Variants in PATZ1 observed in about 807,000 individuals in gnomAD.
PATZ1 encodes POZ-, AT hook-, and zinc finger-containing protein 1.
Under a neutral mutation model 46.2 loss-of-function variants are expected in PATZ1, and 9 were observed. The observed-to-expected ratio is 0.19, with a 90% confidence interval of 0.12 to 0.34. The LOEUF is 0.34. Among genes scored for constraint, PATZ1 ranks in the 10% least tolerant of loss-of-function variants. PATZ1 has a pLI of 1.00. For missense variants in PATZ1, 632 were observed against 923.0 expected, an observed-to-expected ratio of 0.68 and a Z score of 4.08; for synonymous variants, 426 against 378.6, an observed-to-expected ratio of 1.13 and a Z score of -1.45.
intron 3 of PATZ1, 195 bp downstream of exon 3, chr22:31,335,497 A>G (rs1244087657): frequency 2.1e-5 from 12 of 558,704 alleles, no homozygotes; most frequent in Middle Eastern, 4.7e-4. Flanking sequence ...TTCCCATTCT[A>G]AGCACCCCAA....
chr22:31,343,884 G>T (rs1294561402), intron 1 of PATZ1, among the ~76,000 whole-genome samples: 2 of 152,204 alleles, frequency 1.3e-5, no homozygotes, highest in South Asian at 4.1e-4. Context: ...CCAGTGTTCT[G>T]TGTTGGGGAA....
At chr22:31,333,653 G>A (rs921667140) in intron 3 of PATZ1, among the ~76,000 whole-genome samples, 4 of 152,030 alleles carry the variant, frequency 2.6e-5, no homozygotes, top group African/African-American at 7.3e-5. Flanking sequence ...GGGACTTCCC[G>A]CTCTGGCTCT....
rs549436268 is a variant in PATZ1, at chr22:31,336,663, G to A, written c.1336-800C>T. On this transcript the variant is annotated intron_variant, in intron 2 of 4. Transcript: ENST00000266269. ...CTATTAAAAATATAAAAAATTAGCC[G>A]GGTGTGGTGGCAGACTCCCGTAATC... 1.2e-4 allele frequency among the ~76,000 whole-genome samples: 18 copies of A among 151,774 alleles called. No homozygotes were observed. The South Asian group carries it at 1.3e-3, about 11-fold the overall frequency.
At chr22:31,335,175 T>C (rs1217250139) in intron 3 of PATZ1, among the ~76,000 whole-genome samples, 1 of 152,190 alleles carries the variant, frequency 6.6e-6, no homozygotes, top group South Asian at 2.1e-4. Flanking sequence ...AAGGCCACAA[T>C]CTACCTGAGT....
rs1055449029 is a variant in PATZ1, at chr22:31,327,510, G to A, written c.1646-201C>T. Among the ~76,000 whole-genome samples the A allele has an allele frequency of 6.6e-6, 1 of 152,086 alleles. No homozygotes were observed. Among genetic ancestry groups the A allele is most frequent in the Non-Finnish European group, 1.5e-5 (1 of 68,000 alleles). ...AGGGGTGAAACGGCAGGGCCCTAGG[G>A]CTGCCAGCCTCCCTTGCTGTGGACT... On this transcript the variant is annotated intron_variant, in intron 4 of 4. Coordinates refer to ENST00000266269, the MANE Select transcript of PATZ1 (RefSeq NM_014323.3). The surrounding 1 kb of genome is among the most constrained non-coding windows in gnomAD (Gnocchi z 4.2).
At position 31,328,488 on chromosome 22, in the gene PATZ1, C is replaced by T. The variant is rs2145809814; in HGVS notation, c.1645+299G>A. Among the ~76,000 whole-genome samples the T allele has an allele frequency of 6.6e-6, 1 of 152,310 alleles. No homozygotes were observed. Among genetic ancestry groups the T allele is most frequent in the African/African-American group, 2.4e-5 (1 of 41,570 alleles). ...CATCATGCAGGGCTCTTCTTCTGCCCAGGGCCCGGGGCATCCCTGCAGGGC... is the reference window on the plus strand; with the variant it reads ...CATCATGCAGGGCTCTTCTTCTGCCTAGGGCCCGGGGCATCCCTGCAGGGC... On this transcript the variant is annotated intron_variant, in intron 4 of 4. Transcript: ENST00000266269. The surrounding 1 kb of genome is among the most constrained non-coding windows in gnomAD (Gnocchi z 4.8).
At chr22:31,341,922 C>T (rs911798050) in intron 2 of PATZ1, among the ~76,000 whole-genome samples, 9 of 152,186 alleles carry the variant, frequency 5.9e-5, no homozygotes, top group African/African-American at 1.9e-4. Flanking sequence ...CTGTGAACAC[C>T]GTCCACGCCT....
At chr22:31,338,097 G>A (rs1196736568) in intron 2 of PATZ1, 1 of 152,306 alleles carries the variant, frequency 6.6e-6, no homozygotes, top group African/African-American at 2.4e-5. Context: ...GAAACCTTCA[G>A]AAGGTGAACT....
At position 31,338,669 on chromosome 22, in the gene PATZ1, G is replaced by A. The variant is rs1451109600; in HGVS notation, c.1336-2806C>T. Among the ~76,000 whole-genome samples the A allele has an allele frequency of 3.3e-5, 5 of 152,190 alleles. No homozygotes were observed. The East Asian group carries it at 9.6e-4, about 29-fold the overall frequency. On this transcript the variant is annotated intron_variant, in intron 2 of 4. Coordinates refer to ENST00000266269, the MANE Select transcript of PATZ1 (RefSeq NM_014323.3). ...ACAAGAGCTAGCTTTGCCAGGCAGC[G>A]ACCCAAAGACCACCCCTCCAATGGT... is the stretch of plus-strand genomic sequence containing the variant.
In PATZ1 at chr22:31,345,298, C is replaced by T; in HGVS notation, c.305G>A (p.Arg102Gln). 6.2e-7 allele frequency: 1 copy of T among 1,611,152 alleles called. No individual in the cohort carries two copies. Among genetic ancestry groups the T allele is most frequent in the Non-Finnish European group, 8.5e-7 (1 of 1,178,166 alleles). ...GCTGATAGTGTGCATCTCCAGCTCC[C>T]GGCTGCCCCCGGCCCCGCCGCCTGG... Reference protein sequence around the residue: ...AAPGGGAGGSRELEMHTISSK... With the variant: ...AAPGGGAGGSQELEMHTISSK... The change falls in exon 1 of 5, where the codon CGG (arginine) becomes CAG (glutamine). Residue 102 changes from arginine (R) to glutamine (Q), a missense_variant. Around this residue, in one of 7 missense-constraint regions of PATZ1, gnomAD observed 62 missense variants for 67.9 expected, o/e 0.91. Transcript: ENST00000266269. The surrounding 1 kb of genome is among the most constrained non-coding windows in gnomAD (Gnocchi z 7.4).
intron 3 of PATZ1, among the ~76,000 whole-genome samples, chr22:31,332,299 A>G (rs2049453643): frequency 6.6e-6 from 1 of 152,202 alleles, no homozygotes; most frequent in South Asian, 2.1e-4. Flanking sequence ...ATGAAACAGA[A>G]GCTGAGCTTC....
chr22:31,333,320 G>C (rs2049465863), intron 3 of PATZ1, among the ~76,000 whole-genome samples: 1 of 152,164 alleles, frequency 6.6e-6, no homozygotes, highest in African/African-American at 2.4e-5. Flanking sequence ...GCCTTTGTTT[G>C]AACACATGCA....
rs139331126 is a variant in PATZ1, at chr22:31,336,456, T to C, written c.1336-593A>G. ...ATTGAAAAAGCAGCCCATTAAATGA[T>C]AGTGGCAATTCTGACGACATGAGAA... is the stretch of plus-strand genomic sequence containing the variant. On this transcript the variant is annotated intron_variant, in intron 2 of 4. Transcript: ENST00000266269. Among the ~76,000 whole-genome samples, 924 of 152,270 alleles carry C rather than the reference T, an allele frequency of 6.1e-3. 13 individuals are homozygous for C. Among genetic ancestry groups the C allele is most frequent in the African/African-American group, 0.021 (863 of 41,544 alleles).
intron 3 of PATZ1, among the ~76,000 whole-genome samples, chr22:31,334,918 T>G (rs1485878094): frequency 6.6e-6 from 1 of 152,132 alleles, no homozygotes. Flanking sequence ...TGCAGAAGCA[T>G]CCTCACGTTC....
At chr22:31,341,474 C>G (rs754244067) in intron 2 of PATZ1, 18 of 1,610,640 alleles carry the variant, frequency 1.1e-5, no homozygotes, top group Non-Finnish European at 1.5e-5. Context: ...TCAGATATCC[C>G]GGCGGGGCTG....
At position 31,327,244 on chromosome 22, in the gene PATZ1, C is replaced by T; in HGVS notation, c.1711G>A (p.Ala571Thr). The T allele has an allele frequency of 1.9e-6, 3 of 1,614,198 alleles. No homozygotes were observed. The highest frequency in any genetic ancestry group is 1.1e-5 in the South Asian group (1 of 91,080). ...TTCTCTGGCGTCTTCAGGTCGCTGG[C>T]ATCTGAGAGGTCACCATAGGAGTCA... is the stretch of plus-strand genomic sequence containing the variant. ...SSDSYGDLSD[A>T]SDLKTPEKQS... The change falls in exon 5 of 5, where the codon GCC becomes ACC. Residue 571 changes from alanine to threonine, a missense_variant. Physicochemically the swap from Ala to Thr is moderately conservative, Grantham distance 58 (BLOSUM62 0). Coordinates refer to ENST00000266269, the MANE Select transcript of PATZ1 (RefSeq NM_014323.3). This position sits in a 1 kb window ranked among gnomAD's most constrained non-coding sequence, Gnocchi z 4.2.
chr22:31,326,908 C>T lies in PATZ1; in HGVS notation c.2047G>A (p.Gly683Arg), dbSNP rs1260734092. The T allele has an allele frequency of 5.6e-6, 9 of 1,613,292 alleles. No homozygotes were observed. Among genetic ancestry groups the T allele is most frequent in the African/African-American group, 1.3e-5 (1 of 74,896 alleles). Reference protein sequence around the residue: ...VDPEVDQQPMGPEGK With the variant: ...VDPEVDQQPMRPEGK ...CAGCTGCCTCATTTCCCTTCAGGCC[C>T]CATGGGCTGCTGGTCAACCTCAGGA... The change falls in exon 5 of 5, where the codon GGG (glycine) becomes AGG (arginine). Residue 683 changes from glycine (G) to arginine (R), a missense_variant. By Grantham distance (125) the Gly-to-Arg change is moderately radical. Coordinates refer to ENST00000266269, the MANE Select transcript of PATZ1 (RefSeq NM_014323.3).
chr22:31,342,160 G>A (rs1394496173), intron 2 of PATZ1, among the ~76,000 whole-genome samples: 1 of 152,168 alleles, frequency 6.6e-6, no homozygotes, highest in African/African-American at 2.4e-5. Context: ...CACACAGGAA[G>A]GCTCAGTGGC....
chr22:31,328,827 C>G lies in PATZ1; in HGVS notation c.1605G>C (p.Gly535=). ...VSRHQEPILN[G]GAAFHCARTY... is the part of the protein sequence containing the mutation. ...TCCTGGCGCAGTGGAACGCTGCTCC[C>G]CCATTCAGGATGGGCTCCTGGTGCC... Residue 535 remains glycine, a synonymous_variant, in exon 4 of 5, where the codon GGG becomes GGC. Coordinates refer to ENST00000266269, the MANE Select transcript of PATZ1 (RefSeq NM_014323.3). The surrounding 1 kb of genome is among the most constrained non-coding windows in gnomAD (Gnocchi z 4.8). The G allele has an allele frequency of 6.2e-7, 1 of 1,613,692 alleles. No homozygotes were observed. Among genetic ancestry groups the G allele is most frequent in the African/African-American group, 1.3e-5 (1 of 75,042 alleles).
Sources: allele counts gnomAD v4.1 joint callset (sites outside exome capture counted in the v4.1 genomes callset), GRCh38; gene constraint gnomAD v4.1.1; regional missense constraint gnomAD v4.1.1; non-coding constraint Gnocchi (gnomAD v3.1); transcripts MANE v1.5; gene names NCBI Gene and HGNC (gene_info 2026-07-23, HGNC 2026-07-21).